Variants in PADI2 observed in about 807,000 individuals in gnomAD.
PADI2 encodes protein-arginine deiminase type-2.
In PADI2, 70 loss-of-function variants were observed where a neutral mutation model predicts 81.1. The observed-to-expected ratio is 0.86, with a 90% CI of 0.71 to 1.05. PADI2 has a LOEUF of 1.05. PADI2 is among the 50% of genes least tolerant of loss of function. The pLI is 0.00. For missense variants in PADI2, 853 were observed against 889.9 expected (o/e 0.96, Z 0.53); for synonymous variants, 338 against 358.0 (o/e 0.94, Z 0.63).
chr1:17,103,077 A>C lies in PADI2; in HGVS notation c.277-18T>G, dbSNP rs750858112. ...ACGGTGACCTTGGTGGGGAGGGGGC[A>C]CATTGGAGTAGAGAGAAAAGAGAGC... On this transcript the variant is annotated intron_variant, in intron 2 of 15. Coordinates refer to ENST00000375486, the MANE Select transcript of PADI2 (RefSeq NM_007365.3). The C allele has an allele frequency of 1.9e-6, 3 of 1,583,638 alleles. No individual in the cohort carries two copies. The African/African-American group carries it at 4.0e-5, about 21-fold the overall frequency.
intron 6 of PADI2, among the ~76,000 whole-genome samples, chr1:17,089,593 G>A (rs1256974992): frequency 3.3e-5 from 5 of 152,146 alleles, no homozygotes; most frequent in African/African-American, 1.2e-4. Context: ...TGTGGCCCGT[G>A]GCCTGTGATT....
intron 1 of PADI2, among the ~76,000 whole-genome samples, chr1:17,116,042 A>T (rs904195145): frequency 6.6e-6 from 1 of 152,324 alleles, no homozygotes; most frequent in East Asian, 1.9e-4. Context: ...ATAGTGGTCA[A>T]TTGTTCATCA....
At chr1:17,107,952 T>TC (rs1338094263) in intron 1 of PADI2, among the ~76,000 whole-genome samples, 5 of 150,844 alleles carry the variant, frequency 3.3e-5, no homozygotes, top group Non-Finnish European at 5.9e-5. Context: ...TCCATCACTT[T>TC]TTTTTTTTTT....
At chr1:17,104,582 C>G (rs1398464685) in intron 2 of PADI2, among the ~76,000 whole-genome samples, 1 of 151,412 alleles carries the variant, frequency 6.6e-6, no homozygotes, top group Non-Finnish European at 1.5e-5. Context: ...CTACAGGCAC[C>G]CGCCCCATGC....
chr1:17,083,711 A>G lies in PADI2; in HGVS notation c.1050+15T>C. On this transcript the variant is annotated intron_variant, in intron 9 of 15. Coordinates refer to ENST00000375486, the MANE Select transcript of PADI2 (RefSeq NM_007365.3). Reference sequence around the variant, plus strand: ...GGGGGCCATGTCCTTCCCAGCCTGGACCTGGGCTCCTTACCTGGATCCAGC... The same window carrying G: ...GGGGGCCATGTCCTTCCCAGCCTGGGCCTGGGCTCCTTACCTGGATCCAGC... 2.6e-6 allele frequency: 4 copies of G among 1,541,836 alleles called. No individual in the cohort carries two copies. The highest frequency in any genetic ancestry group is 3.6e-6 in the Non-Finnish European group (4 of 1,114,030).
intron 1 of PADI2, among the ~76,000 whole-genome samples, chr1:17,106,753 A>G (rs930473452): frequency 2.0e-5 from 3 of 152,048 alleles, no homozygotes; most frequent in Admixed American, 2.0e-4. Flanking sequence ...GCAGGCTTCT[A>G]ATCAAATAGG....
chr1:17,075,823 C>T lies in PADI2; in HGVS notation c.1311G>A (p.Leu437=), dbSNP rs2078298137. Residue 437 remains leucine, a splice_region_variant and synonymous_variant, in exon 12 of 16, where the codon CTG becomes CTA. Coordinates refer to ENST00000375486, the MANE Select transcript of PADI2 (RefSeq NM_007365.3). ...GRILIGSSFP[L]SGGRRMTKVV... ...CCTTGGTCATCCTCCGACCACCAGA[C>T]CTGGAGAAGGGAGGAAGAGGAGTTT... 1.2e-5 allele frequency: 19 copies of T among 1,613,234 alleles called. No homozygotes were observed. Among genetic ancestry groups the T allele is most frequent in the Non-Finnish European group, 1.5e-5 (18 of 1,179,754 alleles).
intron 7 of PADI2, among the ~76,000 whole-genome samples, chr1:17,085,146 A>G (rs1474968050): frequency 6.6e-6 from 1 of 152,162 alleles, no homozygotes; most frequent in African/African-American, 2.4e-5. Context: ...TGCCCTTGGC[A>G]CCTTGCCGTT....
intron 4 of PADI2, among the ~76,000 whole-genome samples, chr1:17,095,490 G>A (rs906687035): frequency 6.6e-6 from 1 of 152,130 alleles, no homozygotes; most frequent in Non-Finnish European, 1.5e-5. Flanking sequence ...GAGAGGGGCC[G>A]TGCATGCACC....
chr1:17,092,351 G>A, intron 6 of PADI2, 57 bp downstream of exon 6: 1 of 1,473,556 alleles, frequency 6.8e-7, no homozygotes, highest in Non-Finnish European at 9.2e-7. Context: ...CAACTGCTAA[G>A]GGGAGGAGGG....
chr1:17,069,453 G>C (rs146044293), intron 15 of PADI2, among the ~76,000 whole-genome samples, 176 bp from the exon 16 acceptor site: 5 of 152,348 alleles, frequency 3.3e-5, no homozygotes, highest in African/African-American at 1.2e-4. Flanking sequence ...TGGAAAACCA[G>C]GCAATCTGCC....
chr1:17,111,107 G>A, intron 1 of PADI2, among the ~76,000 whole-genome samples: 1 of 97,684 alleles, frequency 1.0e-5, no homozygotes, highest in Non-Finnish European at 2.2e-5. Flanking sequence ...TTTTTTTTTG[G>A]GACGGAGTCT....
rs1012543197 is a variant in PADI2 at position 17,068,166 on chromosome 1, C to T, written c.*878G>A. ...GTCTAGCTGCCTGGACAGATGGCAC[C>T]AGGAATAAAAAGGAAGAAAGTCAAG... On this transcript the variant is annotated 3_prime_UTR_variant, in exon 16 of 16. Coordinates refer to ENST00000375486, the MANE Select transcript of PADI2 (RefSeq NM_007365.3). The T allele has an allele frequency of 3.3e-5, 5 of 152,748 alleles. No homozygotes were observed. The highest frequency in any genetic ancestry group is 1.2e-4 in the African/African-American group (5 of 41,434). The allele number at this position is 152,748 out of a possible 1,614,324, so 9.5% of individuals were successfully genotyped here. A position where few individuals can be genotyped will look rare whatever the true frequency, so the allele number is the denominator to read the frequency against.
At position 17,086,679 on chromosome 1, in the gene PADI2, A is replaced by G; in HGVS notation, c.676T>C (p.Tyr226His). 1 of 1,613,994 alleles carries G rather than the reference A, an allele frequency of 6.2e-7. No individual in the cohort carries two copies. The highest frequency in any genetic ancestry group is 8.5e-7 in the Non-Finnish European group (1 of 1,179,986). ...TTCCGCCGGCCCAGGATGTGGATAT[A>G]GCGTTGGCCGAAGAACGGGTCTGGA... is the stretch of plus-strand genomic sequence containing the variant. Reference protein sequence around the residue: ...YVENPFFGQRYIHILGRRKLY... With the variant: ...YVENPFFGQRHIHILGRRKLY... The change falls in exon 7 of 16, where the codon TAT (tyrosine) becomes CAT (histidine). Residue 226 changes from tyrosine (Y) to histidine (H), a missense_variant. Coordinates refer to ENST00000375486, the MANE Select transcript of PADI2 (RefSeq NM_007365.3).
At chr1:17,109,953 G>A (rs904800889) in intron 1 of PADI2, among the ~76,000 whole-genome samples, 12 of 152,214 alleles carry the variant, frequency 7.9e-5, no homozygotes, top group African/African-American at 2.9e-4. Context: ...AGAAACCAAA[G>A]GAGGCCTCAG....
chr1:17,082,753 G>T (rs1413778568), intron 9 of PADI2, 101 bp from the exon 10 acceptor site: 2 of 695,000 alleles, frequency 2.9e-6, no homozygotes, highest in Admixed American at 5.2e-5. Flanking sequence ...GAAGAAGAAC[G>T]TCTGTCTTGT....
At chr1:17,088,303 C>T (rs1930541807) in intron 6 of PADI2, among the ~76,000 whole-genome samples, 1 of 152,126 alleles carries the variant, frequency 6.6e-6, no homozygotes, top group Non-Finnish European at 1.5e-5. Context: ...TTTCTTTATG[C>T]CCTGTAGAGC....
intron 15 of PADI2, 122 bp downstream of exon 15, chr1:17,069,966 C>T (rs2078253417): frequency 1.7e-6 from 2 of 1,158,046 alleles, no homozygotes; most frequent in Non-Finnish European, 2.4e-6. Context: ...TGAGGTCACA[C>T]AGCAGCTCAG....
At chr1:17,109,600 C>T (rs1557773325) in intron 1 of PADI2, among the ~76,000 whole-genome samples, 1 of 151,458 alleles carries the variant, frequency 6.6e-6, no homozygotes, top group South Asian at 2.1e-4. Flanking sequence ...AAGTGATTCT[C>T]CTGCCTCAGC....
Sources: allele counts gnomAD v4.1 joint callset (sites outside exome capture counted in the v4.1 genomes callset), GRCh38; gene constraint gnomAD v4.1.1; transcripts MANE v1.5; gene names NCBI Gene and HGNC (gene_info 2026-07-23, HGNC 2026-07-21).